HHAT: variants seen among roughly 807,000 people sequenced by gnomAD.
HHAT encodes protein-cysteine N-palmitoyltransferase HHAT.
A neutral mutation model predicts 70.8 loss-of-function variants in HHAT; 47 were observed. That is an observed-to-expected ratio of 0.66 (90% CI 0.53 to 0.85). The LOEUF is 0.85. HHAT is among the 40% of genes least tolerant of loss of function. The pLI is 0.00. For missense variants in HHAT, 609 were observed against 604.8 expected, an observed-to-expected ratio of 1.01 and a Z score of -0.07; for synonymous variants, 228 against 247.6, an observed-to-expected ratio of 0.92 and a Z score of 0.74.
chr1:210,393,332 A>G (rs934639331), intron 4 of HHAT, among the ~76,000 whole-genome samples: 1 of 152,200 alleles, frequency 6.6e-6, no homozygotes, highest in Admixed American at 6.5e-5. Flanking sequence ...GGCATAGGCC[A>G]TGTCTAGCAT....
chr1:210,578,608 G>T (rs575209103), intron 9 of HHAT, among the ~76,000 whole-genome samples: 2 of 152,118 alleles, frequency 1.3e-5, no homozygotes, highest in South Asian at 2.1e-4. Flanking sequence ...AAGAAAATGT[G>T]GTATATACAT....
chr1:210,524,922 AT>A (rs1423412383), intron 9 of HHAT, among the ~76,000 whole-genome samples: 2 of 152,076 alleles, frequency 1.3e-5, no homozygotes, highest in Admixed American at 6.6e-5. Flanking sequence ...GCATGTGAAC[AT>A]TAACTTGGAG....
intron 7 of HHAT, among the ~76,000 whole-genome samples, chr1:210,425,568 G>A (rs1270651637): frequency 2.0e-5 from 3 of 151,998 alleles, no homozygotes; most frequent in Non-Finnish European, 2.9e-5. Context: ...GTGGCTAGCC[G>A]GTTACCCAGC....
chr1:210,659,403 GACCAATA>G (rs1436792527), intron 11 of HHAT, among the ~76,000 whole-genome samples: 3 of 152,106 alleles, frequency 2.0e-5, no homozygotes, highest in African/African-American at 7.2e-5. Flanking sequence ...TCTCTGAATA[GACCAATA>G]ACCGGCTCTG....
At position 210,415,331 on chromosome 1, in the gene HHAT, G is replaced by A. The variant is rs139654360; in HGVS notation, c.685-2823G>A. On this transcript the variant is annotated intron_variant, in intron 6 of 11. Transcript: ENST00000261458. Reference sequence around the variant, plus strand: ...TAACAGATCTGCTGCCATAGACTTCGTAGGGTCTCTCAGAGCATGCATGCT... The same window carrying A: ...TAACAGATCTGCTGCCATAGACTTCATAGGGTCTCTCAGAGCATGCATGCT... 4.1e-4 allele frequency among the ~76,000 whole-genome samples: 62 copies of A among 152,256 alleles called. 2 individuals carry two copies. In the East Asian group the frequency reaches 7.7e-3, roughly 19 times the overall value.
intron 8 of HHAT, among the ~76,000 whole-genome samples, chr1:210,468,347 G>A (rs1205813974): frequency 1.3e-5 from 2 of 152,174 alleles, no homozygotes; most frequent in Non-Finnish European, 1.5e-5. Flanking sequence ...GAAGCAAAGC[G>A]ATAGAATTTC....
At chr1:210,646,954 T>A (rs1674177846) in intron 11 of HHAT, among the ~76,000 whole-genome samples, 1 of 152,220 alleles carries the variant, frequency 6.6e-6, no homozygotes, top group Non-Finnish European at 1.5e-5. Context: ...TTCACTCAAA[T>A]CTTTAAAGAA....
intron 6 of HHAT, 115 bp from the exon 7 acceptor site, chr1:210,418,039 C>A: frequency 1.0e-6 from 1 of 975,998 alleles, no homozygotes; most frequent in Non-Finnish European, 1.6e-6. Flanking sequence ...CCAAACCAAC[C>A]CTCTGTCAGC....
intron 2 of HHAT, among the ~76,000 whole-genome samples, chr1:210,351,512 A>T (rs2087021345): frequency 6.6e-6 from 1 of 152,104 alleles, no homozygotes; most frequent in Non-Finnish European, 1.5e-5. Context: ...TAGCCTGGTG[A>T]TGTGTTGGAT....
chr1:210,601,072 G>A lies in HHAT; in HGVS notation c.1245+12973G>A, dbSNP rs547629244. ...CACCGAGAATCAGTCTGATGGTCAT[G>A]GCAGGGATTTGATGTTCTGGGGCAT... is the stretch of plus-strand genomic sequence containing the variant. On this transcript the variant is annotated intron_variant, in intron 10 of 11. Coordinates refer to ENST00000261458, the MANE Select transcript of HHAT (RefSeq NM_018194.6). Among the ~76,000 whole-genome samples the A allele has an allele frequency of 7.2e-5, 11 of 152,092 alleles. No homozygotes were observed. The East Asian group carries it at 1.7e-3, about 24-fold the overall frequency.
At position 210,401,091 on chromosome 1, in the gene HHAT, T is replaced by C. The variant is rs559863103; in HGVS notation, c.468+429T>C. Among the ~76,000 whole-genome samples the C allele has an allele frequency of 1.4e-4, 22 of 152,358 alleles. No homozygotes were observed. The South Asian group carries it at 3.9e-3, about 27-fold the overall frequency. On this transcript the variant is annotated intron_variant, in intron 5 of 11. Transcript: ENST00000261458. Reference sequence around the variant, plus strand: ...TGTGGTGGTAAGTCAGGTCTTTTTCTTCTTCCTAGTTGATGGAACAGATTT... The same window carrying C: ...TGTGGTGGTAAGTCAGGTCTTTTTCCTCTTCCTAGTTGATGGAACAGATTT...
intron 1 of HHAT, among the ~76,000 whole-genome samples, chr1:210,345,624 T>C (rs1558319836): frequency 6.6e-6 from 1 of 152,252 alleles, no homozygotes; most frequent in Non-Finnish European, 1.5e-5. Context: ...TTTATTTAGA[T>C]GTATGATGTT....
chr1:210,364,540 A>G (rs949514681), intron 3 of HHAT, among the ~76,000 whole-genome samples: 1 of 152,264 alleles, frequency 6.6e-6, no homozygotes. Flanking sequence ...CTGCAGAGGA[A>G]CAATGGTGAG....
intron 9 of HHAT, among the ~76,000 whole-genome samples, chr1:210,543,819 A>G (rs550867067): frequency 2.0e-5 from 3 of 152,252 alleles, no homozygotes; most frequent in African/African-American, 7.2e-5. Flanking sequence ...CAACATCCTC[A>G]GAAACCTTGG....
At chr1:210,374,242 T>C (rs917579691) in intron 3 of HHAT, 5 of 148,294 alleles carry the variant, frequency 3.4e-5, no homozygotes, top group Non-Finnish European at 7.4e-5. Context: ...GCGAAAGATT[T>C]ATTCGATCTG....
At chr1:210,571,544 A>C (rs550040459) in intron 9 of HHAT, among the ~76,000 whole-genome samples, 70 of 152,296 alleles carry the variant, frequency 4.6e-4, no homozygotes, top group Middle Eastern at 6.8e-3. Flanking sequence ...TTAGCCGCCT[A>C]TACTGGAGAG....
intron 11 of HHAT, among the ~76,000 whole-genome samples, chr1:210,660,674 A>G (rs541312565): frequency 5.3e-4 from 81 of 152,242 alleles, no homozygotes; most frequent in Non-Finnish European, 2.6e-4. Context: ...ATAAGACAAG[A>G]CTACAGTAGC....
At chr1:210,434,715 C>T (rs143325801) in intron 7 of HHAT, among the ~76,000 whole-genome samples, 3 of 151,694 alleles carry the variant, frequency 2.0e-5, no homozygotes, top group East Asian at 1.9e-4. Context: ...CTACCATTGA[C>T]ACCTTTATAT....
At chr1:210,495,424 G>A (rs530613131) in intron 8 of HHAT, among the ~76,000 whole-genome samples, 3 of 152,034 alleles carry the variant, frequency 2.0e-5, no homozygotes, top group Non-Finnish European at 4.4e-5. Flanking sequence ...AACTTTAGGC[G>A]TGTTAAATAG....
Sources: allele counts gnomAD v4.1 joint callset (sites outside exome capture counted in the v4.1 genomes callset), GRCh38; gene constraint gnomAD v4.1.1; transcripts MANE v1.5; gene names NCBI Gene and HGNC (gene_info 2026-07-23, HGNC 2026-07-21).